Variants in TACR3 observed in about 807,000 individuals in gnomAD.
TACR3 encodes tachykinin receptor 3.
TACR3 carries 34 observed loss-of-function variants against 35.0 expected under a neutral mutation model. The observed-to-expected ratio is 0.97, with a 90% CI of 0.74 to 1.30. The LOEUF (loss-of-function observed/expected upper bound fraction) is 1.30. Among genes scored for constraint, TACR3 ranks in the 50% most tolerant of loss-of-function variants. TACR3 has a pLI of 0.00. For missense variants in TACR3, 558 were observed against 591.7 expected (o/e 0.94, Z 0.59); for synonymous variants, 233 against 221.1 (o/e 1.05, Z -0.48).
chr4:103,662,169 G>A (rs958472244), intron 1 of TACR3, among the ~76,000 whole-genome samples: 1 of 150,816 alleles, frequency 6.6e-6, no homozygotes, highest in Non-Finnish European at 1.5e-5. Flanking sequence ...GGGTTGCAAA[G>A]ATTTCTGGGA....
At position 103,629,850 on chromosome 4, in the gene TACR3, C is replaced by CA. The variant is rs1170682602; in HGVS notation, c.888+26343dup. ...ATTGCCAAGACAATCCTAAGCAAAA[C>CA]AAAAAAAAAACAAAAAAAAAACAAA... On this transcript the variant is annotated intron_variant, in intron 3 of 4. Coordinates refer to ENST00000304883, the MANE Select transcript of TACR3 (RefSeq NM_001059.3). Among the ~76,000 whole-genome samples the CA allele has an allele frequency of 1.4e-3, 130 of 90,070 alleles. 7 individuals carry two copies. The highest frequency in any genetic ancestry group is 0.012 in the Middle Eastern group (2 of 168). The allele number at this position is 90,070 out of a possible 152,430, so 59.1% of individuals were successfully genotyped here.
chr4:103,590,001 A>G lies in TACR3; in HGVS notation c.1086-7T>C. 6.2e-7 allele frequency: 1 copy of G among 1,613,262 alleles called. No individual in the cohort carries two copies. Among genetic ancestry groups the G allele is most frequent in the Non-Finnish European group, 8.5e-7 (1 of 1,179,548 alleles). On this transcript the variant is annotated splice_polypyrimidine_tract_variant and splice_region_variant and intron_variant, in intron 4 of 4. Coordinates refer to ENST00000304883, the MANE Select transcript of TACR3 (RefSeq NM_001059.3). ...CTTGAAGCCAGCTCGAAATCTGAGGAAAAGCAGGCCACAGAAAGAAAAAGT... is the reference window on the plus strand; with the variant it reads ...CTTGAAGCCAGCTCGAAATCTGAGGGAAAGCAGGCCACAGAAAGAAAAAGT...
intron 1 of TACR3, among the ~76,000 whole-genome samples, chr4:103,696,905 T>C (rs1021146336): frequency 2.0e-5 from 3 of 152,168 alleles, no homozygotes; most frequent in African/African-American, 7.2e-5. Flanking sequence ...AGCCCCTCTT[T>C]CTTTAGCTAT....
chr4:103,671,587 T>C (rs1726057721), intron 1 of TACR3, among the ~76,000 whole-genome samples: 1 of 152,028 alleles, frequency 6.6e-6, no homozygotes, highest in African/African-American at 2.4e-5. Context: ...AGTTGCACAA[T>C]AGTAGTCTCT....
chr4:103,669,468 T>C (rs1726006072), intron 1 of TACR3, among the ~76,000 whole-genome samples: 1 of 152,182 alleles, frequency 6.6e-6, no homozygotes, highest in African/African-American at 2.4e-5. Context: ...CAGCAGTTCA[T>C]GAGTGTTTCC....
chr4:103,689,256 CG>C lies in TACR3; in HGVS notation c.548+29871del, dbSNP rs1052456531. On this transcript the variant is annotated intron_variant, in intron 1 of 4. Coordinates refer to ENST00000304883, the MANE Select transcript of TACR3 (RefSeq NM_001059.3). The stretch of plus-strand genomic sequence containing the variant: ...CACACTCTGGGGACTGTTGTGGGGT[CG>C]GGGGAGGGGGGCGGGATAGCATTGG... Among the ~76,000 whole-genome samples, 3 of 85,706 alleles carry C rather than the reference CG, an allele frequency of 3.5e-5. No homozygotes were observed. The Admixed American group carries it at 4.4e-4, about 13-fold the overall frequency. The allele number at this position is 85,706 out of a possible 152,430, so 56.2% of individuals were successfully genotyped here. A position where few individuals can be genotyped will look rare whatever the true frequency, so the allele number is the denominator to read the frequency against.
chr4:103,605,004 C>T (rs1302069226), intron 3 of TACR3, among the ~76,000 whole-genome samples: 5 of 140,886 alleles, frequency 3.5e-5, no homozygotes, highest in Admixed American at 1.4e-4. Context: ...CAACAGTCCC[C>T]AGAGTGTGAT....
chr4:103,636,362 T>G (rs1384703832), intron 3 of TACR3, among the ~76,000 whole-genome samples: 2 of 152,092 alleles, frequency 1.3e-5, no homozygotes, highest in African/African-American at 4.8e-5. Context: ...CCCAGCTTCA[T>G]GAGTTTTTTT....
Position 103,695,955 on chromosome 4 carries a change from C to T in TACR3, c.548+23173G>A, listed in dbSNP as rs192689382. Among the ~76,000 whole-genome samples, 7 of 152,166 alleles carry T rather than the reference C, an allele frequency of 4.6e-5. No homozygotes were observed. In the East Asian group the frequency reaches 1.4e-3, roughly 29 times the overall value. ...TTTCAGTATTTAGCCATCCACACTC[C>T]TTAGGTTACCTTTTCTGTAGCTGTT... On this transcript the variant is annotated intron_variant, in intron 1 of 4. Transcript: ENST00000304883.
At chr4:103,657,223 TTTTGTTTTG>T (rs952159994) in intron 2 of TACR3, among the ~76,000 whole-genome samples, 1 of 151,808 alleles carries the variant, frequency 6.6e-6, no homozygotes, top group African/African-American at 2.4e-5. Flanking sequence ...CCAGTGTTTT[TTTTGTTTTG>T]TTTTGTTTTT....
chr4:103,617,246 AAGTT>A (rs146915025), intron 3 of TACR3, among the ~76,000 whole-genome samples: 14 of 151,798 alleles, frequency 9.2e-5, no homozygotes, highest in African/African-American at 1.9e-4. Flanking sequence ...TCTACAGAAA[AAGTT>A]AGTTATAATG....
chr4:103,647,446 G>A (rs1725487213), intron 3 of TACR3, among the ~76,000 whole-genome samples: 1 of 151,786 alleles, frequency 6.6e-6, no homozygotes, highest in Admixed American at 6.6e-5. Flanking sequence ...TGTTAAGAAA[G>A]CATTCTCTCT....
At chr4:103,636,337 G>A (rs919289229) in intron 3 of TACR3, among the ~76,000 whole-genome samples, 10 of 146,878 alleles carry the variant, frequency 6.8e-5, no homozygotes, top group Non-Finnish European at 1.5e-5. Context: ...TCTCACTTTG[G>A]TAAGTATGTG....
chr4:103,659,804 G>A (rs1332642348), intron 1 of TACR3, among the ~76,000 whole-genome samples: 1 of 152,124 alleles, frequency 6.6e-6, no homozygotes, highest in Non-Finnish European at 1.5e-5. Flanking sequence ...CAATATAGCT[G>A]AAAGAAGCAA....
chr4:103,719,361 G>A lies in TACR3; in HGVS notation c.315C>T (p.Ile105=), dbSNP rs374928781. 2.5e-6 allele frequency: 4 copies of A among 1,614,128 alleles called. No individual in the cohort carries two copies. The highest frequency in any genetic ancestry group is 1.3e-5 in the African/African-American group (1 of 74,948). ...TGTGGGCCAGGATGATCCAGATGAC[G>A]ATGAGATTTCCCAAAACTGCCACTG... The part of the protein sequence containing the change: ...VVAVAVLGNL[I]VIWIILAHKR... The change falls in exon 1 of 5, where the codon ATC becomes ATT. Residue 105 remains isoleucine, a synonymous_variant. Transcript: ENST00000304883.
chr4:103,694,397 C>T (rs74631074), intron 1 of TACR3, among the ~76,000 whole-genome samples: 1 of 144,372 alleles, frequency 6.9e-6, no homozygotes, highest in East Asian at 1.9e-4. Context: ...TGAGACAATG[C>T]CAGCCTGAGT....
intron 3 of TACR3, among the ~76,000 whole-genome samples, chr4:103,603,971 T>A (rs1724279900): frequency 2.6e-5 from 4 of 152,198 alleles, no homozygotes; most frequent in Admixed American, 2.6e-4. Flanking sequence ...CTGCCCAAAG[T>A]AATTTATAGA....
intron 3 of TACR3, among the ~76,000 whole-genome samples, chr4:103,600,748 T>G (rs1724178353): frequency 6.6e-6 from 1 of 152,176 alleles, no homozygotes; most frequent in South Asian, 2.1e-4. Flanking sequence ...CGGTTGTTCA[T>G]TTTCCATGTA....
chr4:103,717,956 C>T (rs10016918), intron 1 of TACR3, among the ~76,000 whole-genome samples: 3,429 of 152,140 alleles, frequency 0.023, 136 homozygotes, highest in African/African-American at 0.077. Context: ...TTTATTTATT[C>T]TAGTTAGTGG....
Sources: gnomAD v4.1 joint callset for allele counts (sites outside exome capture counted in the v4.1 genomes callset) on GRCh38, gnomAD v4.1.1 for gene constraint, MANE v1.5 for transcripts, NCBI Gene and HGNC (gene_info 2026-07-23, HGNC 2026-07-21) for gene names.